Variants in TAFA5 observed in about 807,000 individuals in gnomAD.
TAFA5 encodes TAFA chemokine like family member 5.
In TAFA5, 6 loss-of-function variants were observed where a neutral mutation model predicts 15.3. That is an observed-to-expected ratio of 0.39 (90% CI 0.21 to 0.77). The LOEUF (loss-of-function observed/expected upper bound fraction) is 0.77. Among genes scored for constraint, TAFA5 ranks in the 30% least tolerant of loss-of-function variants. The pLI is 0.41. For synonymous variants in TAFA5, 103 were observed against 80.7 expected (o/e 1.28, Z -1.48); for missense variants, 161 against 193.1 (o/e 0.83, Z 0.98).
At chr22:48,503,758 G>T (rs999177775) in intron 1 of TAFA5, among the ~76,000 whole-genome samples, 3 of 152,220 alleles carry the variant, frequency 2.0e-5, no homozygotes, top group African/African-American at 7.2e-5. Flanking sequence ...TTCGAACACG[G>T]GAGAAGCTCT....
At chr22:48,693,110 C>T (rs1928594739) in intron 2 of TAFA5, 11 of 628,150 alleles carry the variant, frequency 1.8e-5, no homozygotes, top group Middle Eastern at 4.2e-4. Context: ...TCCGCCCACT[C>T]GGATTCCCAG....
At chr22:48,542,815 GGT>G (rs112262132) in intron 1 of TAFA5, among the ~76,000 whole-genome samples, 52 of 145,012 alleles carry the variant, frequency 3.6e-4, no homozygotes, top group Non-Finnish European at 5.2e-4. Context: ...TGATGTGTAT[GGT>G]GTGTGTGTGT....
In TAFA5 at chr22:48,705,221, G is replaced by A. The variant is rs191759320; in HGVS notation, c.263-2496G>A. 2.0e-3 allele frequency among the ~76,000 whole-genome samples: 311 copies of A among 152,156 alleles called. 3 individuals are homozygous for A. Among genetic ancestry groups the A allele is most frequent in the African/African-American group, 7.2e-3 (298 of 41,524 alleles). ...CGGCTGGTGGACGCCTGCCTCCCTG[G>A]CTGTGGGTGTGAAGGTGCCGGGGGT... On this transcript the variant is annotated intron_variant, in intron 2 of 3. Coordinates refer to ENST00000402357, the MANE Select transcript of TAFA5 (RefSeq NM_001082967.3).
intron 1 of TAFA5, among the ~76,000 whole-genome samples, chr22:48,511,503 C>T (rs750784761): frequency 3.9e-5 from 6 of 152,188 alleles, no homozygotes; most frequent in African/African-American, 1.4e-4. Flanking sequence ...CTTCAGTCAG[C>T]GCCACACTGC....
intron 1 of TAFA5, among the ~76,000 whole-genome samples, chr22:48,610,730 C>T (rs1925373719): frequency 6.6e-6 from 1 of 152,164 alleles, no homozygotes; most frequent in Non-Finnish European, 1.5e-5. Flanking sequence ...GTGTTGACTC[C>T]GCCTTGCAGA....
rs1569099103 is a variant in TAFA5, at chr22:48,735,944, C to CCAGAG, written c.391-13895_391-13894insCAGAG. ...CCCAGGAGGAATGAGAATCGCACTC[C>CCAGAG]TAGAGTCCAGAGTCCATCCCCCCAG... is the stretch of plus-strand genomic sequence containing the variant. On this transcript the variant is annotated intron_variant, in intron 3 of 3. Coordinates refer to ENST00000402357, the MANE Select transcript of TAFA5 (RefSeq NM_001082967.3). Among the ~76,000 whole-genome samples, 21 of 148,710 alleles carry CCAGAG rather than the reference C, an allele frequency of 1.4e-4. 8 individuals are homozygous for CCAGAG. The highest frequency in any genetic ancestry group is 2.1e-4 in the Non-Finnish European group (14 of 67,138).
intron 1 of TAFA5, among the ~76,000 whole-genome samples, chr22:48,581,635 T>TAA (rs1924046691): frequency 1.3e-5 from 2 of 152,184 alleles, no homozygotes; most frequent in Non-Finnish European, 2.9e-5. Flanking sequence ...AAGGCCGGGT[T>TAA]CGGGGGCAAC....
intron 3 of TAFA5, among the ~76,000 whole-genome samples, chr22:48,717,809 C>T (rs555482659): frequency 6.6e-6 from 1 of 152,336 alleles, no homozygotes; most frequent in South Asian, 2.1e-4. Flanking sequence ...TTGAATTGGT[C>T]AGGGCATAGG....
At chr22:48,714,676 C>T (rs1929350287) in intron 3 of TAFA5, among the ~76,000 whole-genome samples, 1 of 152,228 alleles carries the variant, frequency 6.6e-6, no homozygotes, top group African/African-American at 2.4e-5. Context: ...CCTGAGGGCT[C>T]AGTCAAGAGA....
At chr22:48,731,631 C>T (rs776480254) in intron 3 of TAFA5, among the ~76,000 whole-genome samples, 22 of 152,218 alleles carry the variant, frequency 1.4e-4, no homozygotes, top group Non-Finnish European at 2.6e-4. Flanking sequence ...ACGTACAACA[C>T]GGCCTGGATG....
At chr22:48,602,809 C>CCAGA (rs1377586888) in intron 1 of TAFA5, among the ~76,000 whole-genome samples, 2 of 152,100 alleles carry the variant, frequency 1.3e-5, no homozygotes, top group African/African-American at 4.8e-5. Context: ...GATGGTTTGG[C>CCAGA]CAGAGGCTTG....
chr22:48,744,033 A>G (rs2147275957), intron 3 of TAFA5, among the ~76,000 whole-genome samples: 1 of 152,280 alleles, frequency 6.6e-6, no homozygotes, highest in South Asian at 2.1e-4. Flanking sequence ...CCGTCGGGGA[A>G]GCTCCGAGTT....
At chr22:48,578,013 G>A (rs988323817) in intron 1 of TAFA5, among the ~76,000 whole-genome samples, 5 of 152,242 alleles carry the variant, frequency 3.3e-5, no homozygotes, top group African/African-American at 4.8e-5. Context: ...TGCTGGTGTC[G>A]CGTGTCAGGA....
At chr22:48,614,574 G>A (rs1925529623) in intron 1 of TAFA5, among the ~76,000 whole-genome samples, 1 of 152,202 alleles carries the variant, frequency 6.6e-6, no homozygotes, top group Non-Finnish European at 1.5e-5. Flanking sequence ...CTTGCCTCGT[G>A]GTTAAAGGGA....
At chr22:48,681,315 G>A (rs1312585116) in intron 2 of TAFA5, among the ~76,000 whole-genome samples, 2 of 152,140 alleles carry the variant, frequency 1.3e-5, no homozygotes, top group Non-Finnish European at 2.9e-5. Flanking sequence ...CAGCTCAGCA[G>A]TAGAGACGCT....
intron 1 of TAFA5, chr22:48,544,918 G>T (rs778179978): frequency 6.4e-6 from 3 of 470,080 alleles, no homozygotes; most frequent in Non-Finnish European, 1.3e-5. Flanking sequence ...ACCTCCTGCC[G>T]CAAGGCCCTA....
chr22:48,648,951 T>G (rs921161076), intron 2 of TAFA5, among the ~76,000 whole-genome samples: 2 of 152,116 alleles, frequency 1.3e-5, no homozygotes, highest in Non-Finnish European at 2.9e-5. Flanking sequence ...CAGGGCATGG[T>G]CAGGAGGAGG....
chr22:48,605,804 G>A lies in TAFA5; in HGVS notation c.113-40793G>A, dbSNP rs140083998. 4.9e-4 allele frequency among the ~76,000 whole-genome samples: 74 copies of A among 152,302 alleles called. 1 individual carries two copies. In the East Asian group the frequency reaches 0.012, roughly 25 times the overall value. On this transcript the variant is annotated intron_variant, in intron 1 of 3. Transcript: ENST00000402357. ...ACTTAGAGGGCTGTAGGGTCCCTGT[G>A]TCTTGTCACAGCCATGCCAAGTCCC...
chr22:48,496,073 A>C (rs1456753800), intron 1 of TAFA5, among the ~76,000 whole-genome samples: 1 of 152,222 alleles, frequency 6.6e-6, no homozygotes, highest in Non-Finnish European at 1.5e-5. Flanking sequence ...GCAGGAAGGC[A>C]TGGTGAGCTA....
Sources: allele counts gnomAD v4.1 joint callset (sites outside exome capture counted in the v4.1 genomes callset), GRCh38; gene constraint gnomAD v4.1.1; transcripts MANE v1.5; gene names NCBI Gene and HGNC (gene_info 2026-07-23, HGNC 2026-07-21).